The following MAGI1 variants were observed in gnomAD, a reference collection of about 807,000 sequenced individuals.
The protein encoded by MAGI1 is membrane associated guanylate kinase, WW and PDZ domain containing 1, also known as membrane-associated guanylate kinase, WW and PDZ domain-containing protein 1.
In MAGI1, 58 loss-of-function variants were observed where a neutral mutation model predicts 139.9. The ratio of observed to expected loss-of-function variants is 0.41; its 90% confidence interval spans 0.34 to 0.52. MAGI1 has a LOEUF of 0.52. MAGI1 is among the 20% of genes least tolerant of loss of function. The pLI is 0.12. For missense variants in MAGI1, 1,874 were observed against 1,901.6 expected, an observed-to-expected ratio of 0.99 and a Z score of 0.27; for synonymous variants, 812 against 737.9, an observed-to-expected ratio of 1.10 and a Z score of -1.63.
At chr3:65,729,186 G>C (rs1334930249) in intron 1 of MAGI1, among the ~76,000 whole-genome samples, 1 of 148,466 alleles carries the variant, frequency 6.7e-6, no homozygotes, top group Admixed American at 6.9e-5. Context: ...TATTCATATA[G>C]GACCAACACA....
chr3:65,602,965 T>C (rs1343127811), intron 2 of MAGI1, among the ~76,000 whole-genome samples: 1 of 152,098 alleles, frequency 6.6e-6, no homozygotes, highest in Non-Finnish European at 1.5e-5. Context: ...ATGTACAACT[T>C]TATACCAATT....
intron 1 of MAGI1, among the ~76,000 whole-genome samples, chr3:66,001,696 C>T (rs571916970): frequency 1.9e-4 from 29 of 152,290 alleles, no homozygotes; most frequent in African/African-American, 6.7e-4. Flanking sequence ...TTAACAGCTG[C>T]TCCTACCTGC....
intron 1 of MAGI1, among the ~76,000 whole-genome samples, chr3:65,637,907 C>G (rs1173224429): frequency 6.6e-6 from 1 of 152,144 alleles, no homozygotes; most frequent in African/African-American, 2.4e-5. Context: ...TCCCCACCCC[C>G]CAAACCATGA....
chr3:65,450,627 G>T (rs1168470922), intron 6 of MAGI1, among the ~76,000 whole-genome samples: 2 of 152,044 alleles, frequency 1.3e-5, no homozygotes, highest in African/African-American at 4.8e-5. Context: ...TCAATCACAT[G>T]GATTACAATA....
intron 1 of MAGI1, among the ~76,000 whole-genome samples, chr3:65,807,021 C>G (rs2040903704): frequency 6.6e-6 from 1 of 152,144 alleles, no homozygotes; most frequent in Non-Finnish European, 1.5e-5. Flanking sequence ...AGATGCTATG[C>G]CAAGTACTTT....
intron 1 of MAGI1, among the ~76,000 whole-genome samples, chr3:65,869,624 T>G (rs1221532306): frequency 6.6e-6 from 1 of 151,990 alleles, no homozygotes; most frequent in Admixed American, 6.6e-5. Context: ...ATGGTCTCGA[T>G]CTCCTGACTT....
chr3:65,748,778 G>A (rs2035903071), intron 1 of MAGI1, among the ~76,000 whole-genome samples: 1 of 152,168 alleles, frequency 6.6e-6, no homozygotes. Flanking sequence ...TGACCTCCTG[G>A]GGGAGTTATT....
rs185499793 is a variant in MAGI1 at position 65,924,693 on chromosome 3, G to C, written c.313+113303C>G. On this transcript the variant is annotated intron_variant, in intron 1 of 22. Transcript: ENST00000402939. Reference sequence around the variant, plus strand: ...ACTAAACCTGTCTCTGGTCAGATTCGGTTAGGAAACCCCACATCCCACACT... The same window carrying C: ...ACTAAACCTGTCTCTGGTCAGATTCCGTTAGGAAACCCCACATCCCACACT... Among the ~76,000 whole-genome samples the C allele has an allele frequency of 1.6e-3, 248 of 152,176 alleles. 2 individuals are homozygous for C. Among genetic ancestry groups the C allele is most frequent in the African/African-American group, 5.5e-3 (230 of 41,526 alleles).
At chr3:65,806,769 C>A (rs1408676625) in intron 1 of MAGI1, among the ~76,000 whole-genome samples, 1 of 152,124 alleles carries the variant, frequency 6.6e-6, no homozygotes, top group Non-Finnish European at 1.5e-5. Flanking sequence ...TCTAAATATA[C>A]CATGCCTGGA....
chr3:65,632,548 C>A (rs1353928396), intron 1 of MAGI1, among the ~76,000 whole-genome samples: 2 of 152,150 alleles, frequency 1.3e-5, no homozygotes, highest in African/African-American at 4.8e-5. Flanking sequence ...GTTCTTTACA[C>A]AATTACTTCC....
intron 5 of MAGI1, among the ~76,000 whole-genome samples, chr3:65,457,660 A>G (rs1949494175): frequency 6.6e-6 from 1 of 152,090 alleles, no homozygotes; most frequent in South Asian, 2.1e-4. Context: ...ATTAAATTTT[A>G]AATTTTTGTG....
At chr3:65,634,199 G>A (rs1003646884) in intron 1 of MAGI1, among the ~76,000 whole-genome samples, 10 of 152,176 alleles carry the variant, frequency 6.6e-5, no homozygotes, top group Non-Finnish European at 1.3e-4. Flanking sequence ...GACTGTCTGT[G>A]TTCTTGACCA....
Position 65,391,194 on chromosome 3 carries a change from T to C in MAGI1, c.2364A>G (p.Lys788=), listed in dbSNP as rs1326912792. ...PDQTDSSGQK[K]PDPFKIWAQS... is the part of the protein sequence containing the mutation. Reference sequence around the variant, plus strand: ...GGGCCCAGATTTTAAAAGGATCTGGTTTTTTCTGGCCAGAGCTGTCAGTTT... The same window carrying C: ...GGGCCCAGATTTTAAAAGGATCTGGCTTTTTCTGGCCAGAGCTGTCAGTTT... The change falls in exon 14 of 23, where the codon AAA becomes AAG. Residue 788 remains lysine, a synonymous_variant. Coordinates refer to ENST00000402939, the MANE Select transcript of MAGI1 (RefSeq NM_001033057.2). The C allele has an allele frequency of 2.5e-6, 4 of 1,614,006 alleles. No homozygotes were observed. The highest frequency in any genetic ancestry group is 1.7e-5 in the Admixed American group (1 of 60,008).
chr3:65,586,457 T>C (rs2081683773), intron 2 of MAGI1, among the ~76,000 whole-genome samples: 1 of 152,114 alleles, frequency 6.6e-6, no homozygotes. Context: ...ATTCTATAGT[T>C]TGAATGAAGT....
chr3:65,497,993 G>A (rs1190577994), intron 2 of MAGI1, among the ~76,000 whole-genome samples: 3 of 152,126 alleles, frequency 2.0e-5, no homozygotes, highest in Non-Finnish European at 4.4e-5. Flanking sequence ...TATCCTCTGA[G>A]CAGCCCGCCC....
At chr3:65,756,299 G>A (rs535896997) in intron 1 of MAGI1, among the ~76,000 whole-genome samples, 90 of 152,292 alleles carry the variant, frequency 5.9e-4, no homozygotes, top group African/African-American at 2.1e-3. Flanking sequence ...GCATAAATAA[G>A]TTAAATGGTG....
chr3:65,689,473 A>C (rs1009092084), intron 1 of MAGI1, among the ~76,000 whole-genome samples: 2 of 152,320 alleles, frequency 1.3e-5, no homozygotes, highest in South Asian at 4.2e-4. Flanking sequence ...GACCCAAAGT[A>C]AATAAAAATA....
At position 65,769,278 on chromosome 3, in the gene MAGI1, T is replaced by G. The variant is rs111862911; in HGVS notation, c.314-147190A>C. On this transcript the variant is annotated intron_variant, in intron 1 of 22. Transcript: ENST00000402939. ...TTTTTACTTGGTTTTCTTTTGATCT[T>G]TTTATAAAAATGAGCTCACATTGCA... Among the ~76,000 whole-genome samples the G allele has an allele frequency of 6.4e-3, 981 of 152,264 alleles. 13 individuals carry two copies. Among genetic ancestry groups the G allele is most frequent in the African/African-American group, 0.022 (925 of 41,546 alleles).
intron 1 of MAGI1, among the ~76,000 whole-genome samples, chr3:65,715,069 AAAG>A (rs2107664624): frequency 6.6e-6 from 1 of 152,274 alleles, no homozygotes; most frequent in South Asian, 2.1e-4. Flanking sequence ...TCATACAAAA[AAAG>A]AAGGTGGGAA....
Sources: allele counts gnomAD v4.1 joint callset (sites outside exome capture counted in the v4.1 genomes callset), GRCh38; gene constraint gnomAD v4.1.1; transcripts MANE v1.5; gene names NCBI Gene and HGNC (gene_info 2026-07-23, HGNC 2026-07-21).